The following EVI5 variants were observed in gnomAD, a reference collection of about 807,000 sequenced individuals.
EVI5 encodes ecotropic viral integration site 5.
Under a neutral mutation model 112.0 loss-of-function variants are expected in EVI5, and 73 were observed. The observed-to-expected ratio is 0.65, with a 90% CI of 0.54 to 0.79. The LOEUF (loss-of-function observed/expected upper bound fraction) is 0.79. EVI5 is among the 30% of genes least tolerant of loss of function. The pLI is 0.00. For missense variants in EVI5, 900 were observed against 968.8 expected (o/e 0.93, Z 0.94); for synonymous variants, 305 against 319.9 (o/e 0.95, Z 0.50).
intron 19 of EVI5, among the ~76,000 whole-genome samples, chr1:92,517,885 CT>C (rs35504849): frequency 3.8e-3 from 385 of 102,230 alleles, no homozygotes; most frequent in African/African-American, 0.012. Flanking sequence ...ATATTATATG[CT>C]TTTTTTTTTT....
At chr1:92,599,446 A>G (rs1456050808) in intron 18 of EVI5, among the ~76,000 whole-genome samples, 1 of 152,056 alleles carries the variant, frequency 6.6e-6, no homozygotes, top group Non-Finnish European at 1.5e-5. Flanking sequence ...AAAATATATT[A>G]CTTTGATAAC....
intron 2 of EVI5, among the ~76,000 whole-genome samples, chr1:92,728,609 A>G (rs1434221062): frequency 6.6e-6 from 1 of 152,140 alleles, no homozygotes; most frequent in African/African-American, 2.4e-5. Flanking sequence ...GTTGGTCTTG[A>G]ACTCCTGATC....
chr1:92,655,455 C>G (rs1045293422), intron 13 of EVI5, among the ~76,000 whole-genome samples: 1 of 152,022 alleles, frequency 6.6e-6, no homozygotes, highest in African/African-American at 2.4e-5. Flanking sequence ...ACCATTAGAC[C>G]AGCCTTACAA....
intron 18 of EVI5, among the ~76,000 whole-genome samples, chr1:92,603,743 T>G (rs1055090331): frequency 2.0e-5 from 3 of 151,900 alleles, no homozygotes; most frequent in Non-Finnish European, 4.4e-5. Flanking sequence ...TAAATATATT[T>G]TTTGAAACAG....
intron 3 of EVI5, among the ~76,000 whole-genome samples, chr1:92,704,170 G>A (rs1421617124): frequency 1.3e-5 from 2 of 151,952 alleles, no homozygotes; most frequent in African/African-American, 2.4e-5. Context: ...AAAAATTAGC[G>A]AGGTGTGGTG....
At chr1:92,664,652 A>G (rs1664577906) in intron 11 of EVI5, among the ~76,000 whole-genome samples, 1 of 152,250 alleles carries the variant, frequency 6.6e-6, no homozygotes, top group South Asian at 2.1e-4. Flanking sequence ...AGAGAAAAAC[A>G]GGGAAACTAT....
intron 19 of EVI5, among the ~76,000 whole-genome samples, chr1:92,542,220 A>C (rs999321101): frequency 6.6e-6 from 1 of 152,196 alleles, no homozygotes; most frequent in Non-Finnish European, 1.5e-5. Flanking sequence ...CCATCTCAAC[A>C]ATGTTCACAG....
At chr1:92,528,870 T>C (rs543976527) in intron 19 of EVI5, among the ~76,000 whole-genome samples, 1 of 152,332 alleles carries the variant, frequency 6.6e-6, no homozygotes, top group South Asian at 2.1e-4. Flanking sequence ...TAAATGGGCA[T>C]GCTCATTTTT....
At chr1:92,746,138 CTG>C (rs1164356490) in intron 1 of EVI5, among the ~76,000 whole-genome samples, 1 of 152,226 alleles carries the variant, frequency 6.6e-6, no homozygotes, top group Non-Finnish European at 1.5e-5. Flanking sequence ...ACCAAAAGAG[CTG>C]TCTCTTTACC....
intron 8 of EVI5, 22 bp downstream of exon 8, chr1:92,694,277 A>AT: frequency 1.4e-6 from 2 of 1,439,686 alleles, no homozygotes; most frequent in African/African-American, 1.4e-5. Flanking sequence ...AAAAAAAAAA[A>AT]GAAAATAAAT....
chr1:92,668,889 C>T (rs537460152), intron 10 of EVI5, among the ~76,000 whole-genome samples: 10 of 152,280 alleles, frequency 6.6e-5, no homozygotes, highest in African/African-American at 2.4e-4. Flanking sequence ...CCTGTTCTTA[C>T]ATTTGTTTAT....
intron 1 of EVI5, among the ~76,000 whole-genome samples, chr1:92,761,567 G>C (rs1235102785): frequency 1.3e-5 from 2 of 152,160 alleles, no homozygotes; most frequent in African/African-American, 4.8e-5. Context: ...TAAAAACTCT[G>C]AGCCCATAAA....
intron 19 of EVI5, among the ~76,000 whole-genome samples, chr1:92,540,840 G>A (rs1664672528): frequency 6.6e-6 from 1 of 152,124 alleles, no homozygotes; most frequent in African/African-American, 2.4e-5. Context: ...TTGGGAGGCC[G>A]AGGCGGGAGG....
At chr1:92,524,466 A>G (rs991515372) in intron 19 of EVI5, among the ~76,000 whole-genome samples, 10 of 152,270 alleles carry the variant, frequency 6.6e-5, no homozygotes, top group Non-Finnish European at 1.2e-4. Context: ...AATCAAAATG[A>G]AAATAAACAT....
chr1:92,561,653 CTATCT>C (rs1668643610), intron 19 of EVI5, among the ~76,000 whole-genome samples: 20 of 149,252 alleles, frequency 1.3e-4, no homozygotes, highest in African/African-American at 5.0e-4. Context: ...ATCTATCTAT[CTATCT>C]ATCTATCAGA....
chr1:92,706,889 A>T (rs1439046288), intron 2 of EVI5, among the ~76,000 whole-genome samples: 1 of 152,196 alleles, frequency 6.6e-6, no homozygotes, highest in Non-Finnish European at 1.5e-5. Flanking sequence ...AACAAAATAC[A>T]GGAAAACCAT....
Position 92,605,336 on chromosome 1 carries a change from G to C in EVI5, c.2041C>G (p.Arg681Gly). 6.2e-7 allele frequency: 1 copy of C among 1,612,658 alleles called. No homozygotes were observed. The highest frequency in any genetic ancestry group is 1.3e-5 in the African/African-American group (1 of 74,988). The change falls in exon 18 of 20, where the codon CGA (arginine) becomes GGA (glycine). Residue 681 changes from arginine (R) to glycine (G), a missense_variant. Physicochemically the swap from Arg to Gly is moderately radical, Grantham distance 125. Transcript: ENST00000684568. ...ADSIAAVAELRQHIAELEIQK... is the reference protein window; with the variant it reads ...ADSIAAVAELGQHIAELEIQK... ...ATTTCAAGCTCAGCAATGTGTTGTC[G>C]TAGTTCAGCCACAGCAGCTATGCTA...
intron 19 of EVI5, among the ~76,000 whole-genome samples, chr1:92,541,737 T>A (rs1383756559): frequency 6.6e-6 from 1 of 152,240 alleles, no homozygotes; most frequent in Non-Finnish European, 1.5e-5. Flanking sequence ...GATGAATGGA[T>A]AAATACAAAT....
chr1:92,655,771 G>A (rs1662894424), intron 13 of EVI5, among the ~76,000 whole-genome samples: 1 of 152,102 alleles, frequency 6.6e-6, no homozygotes, highest in South Asian at 2.1e-4. Context: ...TCAACGGGAA[G>A]ATGTAACAAT....
Sources: allele counts gnomAD v4.1 joint callset (sites outside exome capture counted in the v4.1 genomes callset), GRCh38; gene constraint gnomAD v4.1.1; transcripts MANE v1.5; gene names NCBI Gene and HGNC (gene_info 2026-07-23, HGNC 2026-07-21).